The following STK3 variants were observed in gnomAD, a reference collection of about 807,000 sequenced individuals.
STK3 encodes serine/threonine kinase 3.
In STK3, 41 loss-of-function variants were observed where a neutral mutation model predicts 58.0. The ratio of observed to expected loss-of-function variants is 0.71; its 90% CI spans 0.55 to 0.92. STK3 has a LOEUF of 0.92. STK3 is among the 40% of genes least tolerant of loss of function. The pLI is 0.00. For missense variants in STK3, 479 were observed against 602.7 expected, an observed-to-expected ratio of 0.79 and a Z score of 2.15; for synonymous variants, 170 against 191.0, an observed-to-expected ratio of 0.89 and a Z score of 0.91.
chr8:98,900,116 G>T (rs568671409), intron 1 of STK3, among the ~76,000 whole-genome samples: 18 of 152,014 alleles, frequency 1.2e-4, no homozygotes, highest in Admixed American at 4.6e-4. Flanking sequence ...TCCCTCTGTC[G>T]CCCAGGCTGG....
chr8:98,625,786 G>T (rs569815257), intron 6 of STK3, among the ~76,000 whole-genome samples: 1 of 152,274 alleles, frequency 6.6e-6, no homozygotes, highest in South Asian at 2.1e-4. Context: ...AGAAGTGTTT[G>T]TCGTAACTGA....
intron 6 of STK3, among the ~76,000 whole-genome samples, chr8:98,623,310 C>A (rs542511001): frequency 3.5e-4 from 53 of 152,250 alleles, no homozygotes; most frequent in African/African-American, 1.2e-3. Context: ...TCCTGTCCCC[C>A]CACCACCACC....
rs554343494 is a variant in STK3 at position 98,434,741 on chromosome 8, C to G, written n.292-423G>C. On this transcript the variant is annotated intron_variant and non_coding_transcript_variant, in intron 2 of 3. Coordinates refer to the STK3 transcript ENST00000517832. ...AGAAGGGGAGAAGAAGGCTGGCATG[C>G]CTTGGAGTTGTGTAAGGCCCTACAG... Among the ~76,000 whole-genome samples the G allele has an allele frequency of 1.1e-3, 174 of 151,928 alleles. 1 individual carries two copies. Among genetic ancestry groups the G allele is most frequent in the African/African-American group, 3.9e-3 (160 of 41,396 alleles).
Position 98,704,713 on chromosome 8 carries a change from A to G in STK3, c.684+1754T>C, listed in dbSNP as rs568183974. Among the ~76,000 whole-genome samples the G allele has an allele frequency of 3.3e-5, 5 of 152,344 alleles. No homozygotes were observed. The South Asian group carries it at 1.0e-3, about 32-fold the overall frequency. Reference sequence around the variant, plus strand: ...CTCAGGTAATATTAGAAGATCCTTAAAGGAAGAGGCCACATATTACAATTC... The same window carrying G: ...CTCAGGTAATATTAGAAGATCCTTAGAGGAAGAGGCCACATATTACAATTC... On this transcript the variant is annotated intron_variant, in intron 6 of 10. Transcript: ENST00000419617.
downstream of STK3, chr8:98,881,503 C>G (rs1837792560): frequency 1.3e-5 from 2 of 152,116 alleles, no homozygotes; most frequent in African/African-American, 4.8e-5. Flanking sequence ...AAAGAATTAA[C>G]CCTAATGTAA....
At chr8:98,721,463 G>A (rs1030668856) in intron 4 of STK3, among the ~76,000 whole-genome samples, 20 of 151,984 alleles carry the variant, frequency 1.3e-4, no homozygotes, top group Middle Eastern at 3.4e-3. Flanking sequence ...CCAGGAGTTC[G>A]TTCAAGTCCA....
At chr8:98,540,433 C>A (rs958875846) in intron 9 of STK3, among the ~76,000 whole-genome samples, 5 of 152,160 alleles carry the variant, frequency 3.3e-5, no homozygotes, top group African/African-American at 7.2e-5. Context: ...GTAAATCAAG[C>A]CCACTGCTCC....
chr8:98,911,509 C>T (rs1839132454), intron 1 of STK3, among the ~76,000 whole-genome samples: 1 of 152,162 alleles, frequency 6.6e-6, no homozygotes. Context: ...TCTTGTGCCT[C>T]AGCCTCGCAA....
chr8:98,830,736 C>T (rs1219615199), intron 3 of STK3, among the ~76,000 whole-genome samples: 1 of 151,996 alleles, frequency 6.6e-6, no homozygotes, highest in Non-Finnish European at 1.5e-5. Context: ...CTTGGGAGGC[C>T]GAGGCGGGCA....
chr8:98,660,705 C>A (rs954250070), intron 6 of STK3, among the ~76,000 whole-genome samples: 1 of 151,988 alleles, frequency 6.6e-6, no homozygotes, highest in Non-Finnish European at 1.5e-5. Flanking sequence ...GATTCCAAGC[C>A]AAGACTTTCT....
intron 3 of STK3, among the ~76,000 whole-genome samples, chr8:98,854,937 A>AT (rs1836613974): frequency 6.6e-6 from 1 of 152,128 alleles, no homozygotes; most frequent in South Asian, 2.1e-4. Context: ...TGCACCTGTA[A>AT]TCCCAGCTGC....
intron 1 of STK3, among the ~76,000 whole-genome samples, chr8:98,925,295 T>A (rs1047896000): frequency 6.6e-6 from 1 of 152,248 alleles, no homozygotes; most frequent in South Asian, 2.1e-4. Context: ...TGCTCACATT[T>A]CAAGTAAAAA....
chr8:98,495,887 A>C (rs894819446), intron 10 of STK3, among the ~76,000 whole-genome samples: 2 of 152,220 alleles, frequency 1.3e-5, no homozygotes, highest in African/African-American at 4.8e-5. Context: ...TTTGGCCTTG[A>C]AATGACAAGT....
At chr8:98,364,867 C>T in the STK3 span, among the ~76,000 whole-genome samples, 1 of 152,248 alleles carries the variant, frequency 6.6e-6, no homozygotes, top group African/African-American at 2.4e-5. Flanking sequence ...TTTCCACCCT[C>T]TCCCTGCTTT....
In STK3 at chr8:98,651,071, C is replaced by A. The variant is rs558793492; in HGVS notation, c.685-54902G>T. 9.9e-5 allele frequency among the ~76,000 whole-genome samples: 15 copies of A among 152,242 alleles called. No homozygotes were observed. The South Asian group carries it at 1.0e-3, about 11-fold the overall frequency. ...GGTCCCTGACCCCTGGCCCTGGAGC[C>A]GCCTAACTGGGAGGCACCCCCAAGT... On this transcript the variant is annotated intron_variant, in intron 6 of 10. Coordinates refer to ENST00000419617, the MANE Select transcript of STK3 (RefSeq NM_006281.4).
intron 1 of STK3, among the ~76,000 whole-genome samples, chr8:98,884,594 A>C (rs1837911418): frequency 6.6e-6 from 1 of 152,186 alleles, no homozygotes; most frequent in Non-Finnish European, 1.5e-5. Context: ...ATGTCCCCTT[A>C]AAATCAATAT....
chr8:98,547,818 C>T (rs953999511), intron 9 of STK3, 151 bp downstream of exon 9: 15 of 568,438 alleles, frequency 2.6e-5, no homozygotes, highest in African/African-American at 2.5e-4. Flanking sequence ...AAAAAGGTGA[C>T]TTGTGCCATA....
intron 9 of STK3, among the ~76,000 whole-genome samples, chr8:98,540,951 T>C (rs1244073031): frequency 6.6e-6 from 1 of 152,200 alleles, no homozygotes; most frequent in African/African-American, 2.4e-5. Context: ...TGCAGTAATA[T>C]TTAGTAGCTT....
intron 6 of STK3, among the ~76,000 whole-genome samples, chr8:98,652,769 CAAG>C (rs1399093988): frequency 1.3e-5 from 2 of 150,056 alleles, no homozygotes; most frequent in Non-Finnish European, 3.0e-5. Flanking sequence ...ATCAATTCAA[CAAG>C]AAGAGCTAAC....
Sources: gnomAD v4.1 joint callset for allele counts (sites outside exome capture counted in the v4.1 genomes callset) on GRCh38, gnomAD v4.1.1 for gene constraint, MANE v1.5 for transcripts, NCBI Gene and HGNC (gene_info 2026-07-23, HGNC 2026-07-21) for gene names.